CTNNA2: variants seen among roughly 807,000 people sequenced by gnomAD.
CTNNA2 encodes the protein catenin alpha-2.
Under a neutral mutation model 101.0 loss-of-function variants are expected in CTNNA2, and 42 were observed. That is an observed-to-expected ratio of 0.42 (90% CI 0.32 to 0.54). The LOEUF is 0.54. Ranked by LOEUF, CTNNA2 falls within the 20% of genes least tolerant of loss-of-function variation. The pLI is 0.14. For synonymous variants in CTNNA2, 450 were observed against 456.4 expected, an observed-to-expected ratio of 0.99 and a Z score of 0.18; for missense variants, 871 against 1,223.1, an observed-to-expected ratio of 0.71 and a Z score of 4.29.
chr2:80,473,747 G>A (rs546548171), intron 9 of CTNNA2, among the ~76,000 whole-genome samples: 1 of 152,300 alleles, frequency 6.6e-6, no homozygotes, highest in African/African-American at 2.4e-5. Context: ...TACATCCTGA[G>A]TGATCAAAAA....
At chr2:80,632,136 T>A (rs575173044) in intron 18 of CTNNA2, among the ~76,000 whole-genome samples, 1 of 152,032 alleles carries the variant, frequency 6.6e-6, no homozygotes, top group Non-Finnish European at 1.5e-5. Flanking sequence ...TAATCTCCAT[T>A]TGTACAGCGA....
At chr2:79,599,237 A>G (rs887719545) in intron 1 of CTNNA2, among the ~76,000 whole-genome samples, 1 of 152,138 alleles carries the variant, frequency 6.6e-6, no homozygotes, top group African/African-American at 2.4e-5. Context: ...GGTAGTGTCA[A>G]TTCTCTGACT....
chr2:79,246,739 C>A (rs368980102), intron 2 of CTNNA2, among the ~76,000 whole-genome samples: 170 of 152,362 alleles, frequency 1.1e-3, no homozygotes, highest in African/African-American at 3.9e-3. Context: ...AATAGCACTT[C>A]TCTTCCTTGA....
intron 3 of CTNNA2, among the ~76,000 whole-genome samples, chr2:79,827,656 G>A (rs1405877632): frequency 6.6e-6 from 1 of 152,170 alleles, no homozygotes; most frequent in Non-Finnish European, 1.5e-5. Flanking sequence ...GTAAATAGAA[G>A]CAACTCTGTA....
intron 3 of CTNNA2, among the ~76,000 whole-genome samples, chr2:79,840,314 A>G (rs939443397): frequency 1.1e-4 from 17 of 152,220 alleles, no homozygotes; most frequent in African/African-American, 3.9e-4. Context: ...TTTTCTGTGA[A>G]GGTCAAGACA....
At chr2:80,310,542 AAG>A (rs764838851) in intron 7 of CTNNA2, among the ~76,000 whole-genome samples, 1 of 152,186 alleles carries the variant, frequency 6.6e-6, no homozygotes, top group Non-Finnish European at 1.5e-5. Context: ...ACAATTTTGG[AAG>A]AGTCAAGACA....
intron 3 of CTNNA2, among the ~76,000 whole-genome samples, chr2:79,334,665 G>A (rs1676953368): frequency 6.6e-6 from 1 of 152,104 alleles, no homozygotes; most frequent in South Asian, 2.1e-4. Flanking sequence ...AAAAGGAAAG[G>A]TCATTGTGGT....
At chr2:79,588,013 T>A (rs1676607146) in intron 1 of CTNNA2, among the ~76,000 whole-genome samples, 1 of 152,216 alleles carries the variant, frequency 6.6e-6, no homozygotes, top group Non-Finnish European at 1.5e-5. Context: ...AATAAAGTGA[T>A]GTCTTAAAAG....
chr2:79,771,496 G>A (rs1211590816), intron 3 of CTNNA2, among the ~76,000 whole-genome samples: 1 of 152,138 alleles, frequency 6.6e-6, no homozygotes, highest in African/African-American at 2.4e-5. Context: ...AGAATCAGTG[G>A]GAGCCCTGAG....
chr2:80,484,796 G>T (rs766447042), intron 9 of CTNNA2, among the ~76,000 whole-genome samples: 13 of 152,108 alleles, frequency 8.5e-5, no homozygotes, highest in Non-Finnish European at 1.8e-4. Flanking sequence ...CACTAGGTCC[G>T]GAGATCGAGA....
At chr2:79,762,669 A>G (rs1212051685) in intron 3 of CTNNA2, among the ~76,000 whole-genome samples, 6 of 152,162 alleles carry the variant, frequency 3.9e-5, no homozygotes, top group Non-Finnish European at 7.4e-5. Flanking sequence ...TCATGTTTAT[A>G]TTTCATTTAT....
At chr2:80,364,556 A>ATTTTTTTTTTTT (rs57073635) in intron 7 of CTNNA2, among the ~76,000 whole-genome samples, 2 of 123,514 alleles carry the variant, frequency 1.6e-5, no homozygotes, top group African/African-American at 3.0e-5. Context: ...AGAGAAAGTA[A>ATTTTTTTTTTTT]TTTTTTTTTT....
At chr2:79,745,105 A>C (rs2104995221) in intron 3 of CTNNA2, among the ~76,000 whole-genome samples, 1 of 152,230 alleles carries the variant, frequency 6.6e-6, no homozygotes, top group Admixed American at 6.5e-5. Context: ...TAGCATTTTA[A>C]AATTTTGATC....
At chr2:80,166,535 A>T (rs945430981) in intron 7 of CTNNA2, among the ~76,000 whole-genome samples, 1 of 152,156 alleles carries the variant, frequency 6.6e-6, no homozygotes, top group Non-Finnish European at 1.5e-5. Flanking sequence ...ACCTTAGCTT[A>T]TTCATCTCTT....
At chr2:80,479,605 C>G (rs1685993559) in intron 9 of CTNNA2, among the ~76,000 whole-genome samples, 1 of 151,934 alleles carries the variant, frequency 6.6e-6, no homozygotes, top group African/African-American at 2.4e-5. Flanking sequence ...TTGTAGGGCT[C>G]TTGGATCAAC....
chr2:80,598,758 TGAAAAA>T (rs1329563222), intron 15 of CTNNA2, among the ~76,000 whole-genome samples: 2 of 152,174 alleles, frequency 1.3e-5, no homozygotes, highest in Admixed American at 6.5e-5. Flanking sequence ...TTATGCTGAG[TGAAAAA>T]CAGTTATCTC....
At chr2:80,184,059 T>A (rs1243852154) in intron 7 of CTNNA2, among the ~76,000 whole-genome samples, 2 of 151,458 alleles carry the variant, frequency 1.3e-5, no homozygotes, top group Admixed American at 1.3e-4. Context: ...TTTACCATTG[T>A]AGGCTATAAT....
At chr2:80,625,312 G>C (rs1360702942) in intron 18 of CTNNA2, among the ~76,000 whole-genome samples, 1 of 151,984 alleles carries the variant, frequency 6.6e-6, no homozygotes, top group South Asian at 2.1e-4. Flanking sequence ...TGAAGGATTA[G>C]TATGTGCCAG....
chr2:79,871,221 T>C (rs1465450416), intron 5 of CTNNA2, among the ~76,000 whole-genome samples: 1 of 152,228 alleles, frequency 6.6e-6, no homozygotes, highest in Non-Finnish European at 1.5e-5. Context: ...ATGTTCATTC[T>C]GTGCCAGGCT....
Sources: gnomAD v4.1 joint callset for allele counts (sites outside exome capture counted in the v4.1 genomes callset) on GRCh38, gnomAD v4.1.1 for gene constraint, MANE v1.5 for transcripts, NCBI Gene and HGNC (gene_info 2026-07-23, HGNC 2026-07-21) for gene names.